PPFIA2: variants seen among roughly 807,000 people sequenced by gnomAD.
PPFIA2 encodes liprin-alpha-2.
In PPFIA2, 46 loss-of-function variants were observed where a neutral mutation model predicts 175.5. That is an observed-to-expected ratio of 0.26 (90% CI 0.21 to 0.34). The LOEUF (loss-of-function observed/expected upper bound fraction) is 0.34, where lower values mean the gene tolerates loss of function less well. Among genes scored for constraint, PPFIA2 ranks in the 10% least tolerant of loss-of-function variants. PPFIA2 has a pLI of 1.00. For missense variants in PPFIA2, 1,179 were observed against 1,506.1 expected, an observed-to-expected ratio of 0.78 and a Z score of 3.60; for synonymous variants, 568 against 511.4, an observed-to-expected ratio of 1.11 and a Z score of -1.49.
chr12:81,262,934 A>C (rs2036098763), intron 31 of PPFIA2, among the ~76,000 whole-genome samples: 1 of 152,242 alleles, frequency 6.6e-6, no homozygotes, highest in African/African-American at 2.4e-5. Context: ...AATTTTGGGA[A>C]TAGAAGACTA....
rs17008872 is a variant in PPFIA2 at position 81,666,906 on chromosome 12, T to C, written c.303+9885A>G. Among the ~76,000 whole-genome samples, 3,245 of 152,258 alleles carry C rather than the reference T, an allele frequency of 0.021. 196 individuals carry two copies. In the East Asian group the frequency reaches 0.25, roughly 11 times the overall value. On this transcript the variant is annotated intron_variant, in intron 4 of 32. Transcript: ENST00000549396. The stretch of plus-strand genomic sequence containing the variant: ...CCACACTCTACACCACTACATCTTA[T>C]GCTATTTTGCAAGGATTACAAGAAA...
intron 22 of PPFIA2, among the ~76,000 whole-genome samples, chr12:81,304,324 A>G (rs1196624355): frequency 3.3e-5 from 5 of 152,220 alleles, no homozygotes; most frequent in Admixed American, 6.5e-5. Context: ...TGATTTGTAT[A>G]GACCTACTAT....
intron 4 of PPFIA2, among the ~76,000 whole-genome samples, chr12:81,514,226 G>T (rs1310467567): frequency 6.6e-6 from 1 of 151,908 alleles, no homozygotes; most frequent in African/African-American, 2.4e-5. Flanking sequence ...GAATTGCTCA[G>T]AAAATGTCCT....
intron 3 of PPFIA2, among the ~76,000 whole-genome samples, chr12:81,743,515 C>CT (rs368847331): frequency 4.4e-4 from 54 of 123,290 alleles, no homozygotes; most frequent in African/African-American, 1.0e-3. Flanking sequence ...GTGTTAATAG[C>CT]TTTTTTTAAA....
intron 4 of PPFIA2, among the ~76,000 whole-genome samples, chr12:81,662,002 G>A (rs1170857634): frequency 2.6e-5 from 4 of 152,058 alleles, no homozygotes; most frequent in Non-Finnish European, 5.9e-5. Context: ...CGAAACCAAC[G>A]AGAACAAAGA....
intron 4 of PPFIA2, among the ~76,000 whole-genome samples, chr12:81,634,283 C>A (rs1437000584): frequency 3.3e-5 from 5 of 152,088 alleles, no homozygotes; most frequent in Non-Finnish European, 4.4e-5. Flanking sequence ...CCCCTCCATT[C>A]TTTCTCGAAA....
chr12:81,597,891 T>C (rs1465411267), intron 4 of PPFIA2: 1 of 1,477,446 alleles, frequency 6.8e-7, no homozygotes, highest in Non-Finnish European at 9.1e-7. Context: ...TATAGCACTT[T>C]GTTAAAAGTT....
intron 3 of PPFIA2, among the ~76,000 whole-genome samples, chr12:81,688,868 C>T (rs2074845642): frequency 6.8e-6 from 1 of 146,782 alleles, no homozygotes; most frequent in African/African-American, 2.5e-5. Flanking sequence ...ATTTCTAATA[C>T]ATATTTATTT....
intron 4 of PPFIA2, among the ~76,000 whole-genome samples, chr12:81,533,166 G>A (rs2064842955): frequency 6.6e-6 from 1 of 151,512 alleles, no homozygotes; most frequent in Non-Finnish European, 1.5e-5. Context: ...TAACCATGAT[G>A]GAAAGGGCAT....
chr12:81,584,164 G>A (rs796073588), intron 4 of PPFIA2, among the ~76,000 whole-genome samples: 6 of 151,960 alleles, frequency 3.9e-5, no homozygotes, highest in African/African-American at 1.4e-4. Context: ...CTGAATGAAA[G>A]AACAGTGTAT....
intron 28 of PPFIA2, among the ~76,000 whole-genome samples, chr12:81,268,579 C>T (rs2136322501): frequency 6.6e-6 from 1 of 152,282 alleles, no homozygotes; most frequent in South Asian, 2.1e-4. Flanking sequence ...TTAATCTTTT[C>T]GAGTCTCTAT....
chr12:81,682,842 TTTCATG>T (rs2153577941), intron 3 of PPFIA2, among the ~76,000 whole-genome samples: 1 of 152,138 alleles, frequency 6.6e-6, no homozygotes, highest in Non-Finnish European at 1.5e-5. Context: ...AAATTTAATT[TTTCATG>T]TTCTGTCATC....
intron 4 of PPFIA2, among the ~76,000 whole-genome samples, chr12:81,514,171 TC>T (rs942828673): frequency 7.3e-5 from 11 of 151,648 alleles, no homozygotes; most frequent in South Asian, 4.2e-4. Flanking sequence ...CCAGTCAAGT[TC>T]CCCCCCTGAA....
intron 3 of PPFIA2, among the ~76,000 whole-genome samples, chr12:81,742,617 G>A (rs2082460442): frequency 6.6e-6 from 1 of 152,176 alleles, no homozygotes; most frequent in South Asian, 2.1e-4. Context: ...TTGAAAGAAT[G>A]TCTGGAGAAG....
chr12:81,541,679 A>C (rs529995244), intron 4 of PPFIA2, among the ~76,000 whole-genome samples: 11 of 152,142 alleles, frequency 7.2e-5, no homozygotes, highest in Admixed American at 5.2e-4. Context: ...AATAAAAAAA[A>C]CCCTGCTAAT....
intron 3 of PPFIA2, among the ~76,000 whole-genome samples, chr12:81,706,095 G>A (rs928334987): frequency 2.6e-5 from 4 of 151,864 alleles, no homozygotes; most frequent in African/African-American, 9.7e-5. Flanking sequence ...ATTTCTACTG[G>A]GCAATGCTGC....
At chr12:81,279,311 A>G (rs894819549) in intron 27 of PPFIA2, 3 of 152,184 alleles carry the variant, frequency 2.0e-5, no homozygotes, top group African/African-American at 4.8e-5. Context: ...GAACTGTGAG[A>G]AAATGAATTC....
chr12:81,529,753 C>A (rs189022096), intron 4 of PPFIA2, among the ~76,000 whole-genome samples: 2 of 151,968 alleles, frequency 1.3e-5, no homozygotes, highest in South Asian at 2.1e-4. Context: ...GGTCCAGGTG[C>A]TAAATATGTT....
chr12:81,459,485 C>A (rs1013504328), intron 4 of PPFIA2, among the ~76,000 whole-genome samples: 15 of 152,036 alleles, frequency 9.9e-5, no homozygotes, highest in East Asian at 7.7e-4. Context: ...AAAATTTATT[C>A]ATCTATTAGA....
Sources: allele counts gnomAD v4.1 joint callset (sites outside exome capture counted in the v4.1 genomes callset), GRCh38; gene constraint gnomAD v4.1.1; transcripts MANE v1.5; gene names NCBI Gene and HGNC (gene_info 2026-07-23, HGNC 2026-07-21).